The following SLC7A14 variants were observed in gnomAD, a reference collection of about 807,000 sequenced individuals.
SLC7A14 encodes the protein solute carrier family 7 member 14.
A neutral mutation model predicts 60.2 loss-of-function variants in SLC7A14; 37 were observed. The observed-to-expected ratio is 0.61, with a 90% CI of 0.47 to 0.81. The LOEUF is 0.81. SLC7A14 is among the 30% of genes least tolerant of loss of function. SLC7A14 has a pLI of 0.00. For synonymous variants in SLC7A14, 399 were observed against 395.8 expected, an observed-to-expected ratio of 1.01 and a Z score of -0.10; for missense variants, 886 against 982.7, an observed-to-expected ratio of 0.90 and a Z score of 1.32.
rs546386684 is a variant in SLC7A14 at position 170,532,262 on chromosome 3, A to G, written c.-152-5174T>C. 6.6e-6 allele frequency among the ~76,000 whole-genome samples: 1 copy of G among 151,768 alleles called. No individual in the cohort carries two copies. Among genetic ancestry groups the G allele is most frequent in the African/African-American group, 2.4e-5 (1 of 41,058 alleles). On this transcript the variant is annotated intron_variant, in intron 1 of 7. Coordinates refer to ENST00000231706, the MANE Select transcript of SLC7A14 (RefSeq NM_020949.3). This position sits in a 1 kb window ranked among gnomAD's most constrained non-coding sequence, Gnocchi z 4.0. Reference sequence around the variant, plus strand: ...GGAAAAATGAGGCTGCAGTTAGAGTAAACGTTGCCTGGTTTTCTGAGCCCC... The same window carrying G: ...GGAAAAATGAGGCTGCAGTTAGAGTGAACGTTGCCTGGTTTTCTGAGCCCC...
chr3:170,576,819 T>G (rs1715104525), intron 1 of SLC7A14, among the ~76,000 whole-genome samples: 1 of 152,182 alleles, frequency 6.6e-6, no homozygotes, highest in South Asian at 2.1e-4. Context: ...CAAAAGTCAG[T>G]AGTAACTCCC....
At position 170,462,559 on chromosome 3, in the gene SLC7A14, T is replaced by C. The variant is rs1218893480; in HGVS notation, c.*4496A>G. Reference sequence around the variant, plus strand: ...ATTTATCATGACCATTATGTAGGCATTTGATTAGCTACTAGTTTGTTACTA... The same window carrying C: ...ATTTATCATGACCATTATGTAGGCACTTGATTAGCTACTAGTTTGTTACTA... On this transcript the variant is annotated 3_prime_UTR_variant, in exon 8 of 8. Transcript: ENST00000231706. 1 of 152,178 alleles carries C rather than the reference T, an allele frequency of 6.6e-6. No individual in the cohort carries two copies. The highest frequency in any genetic ancestry group is 1.5e-5 in the Non-Finnish European group (1 of 68,038). 9.4% of individuals were successfully genotyped at this position (152,178 alleles called of 1,614,324 possible).
chr3:170,513,179 G>A lies in SLC7A14; in HGVS notation c.305-11834C>T, dbSNP rs78602298. Among the ~76,000 whole-genome samples the A allele has an allele frequency of 4.6e-3, 696 of 152,100 alleles. 4 individuals are homozygous for A. Among genetic ancestry groups the A allele is most frequent in the African/African-American group, 0.016 (652 of 41,492 alleles). On this transcript the variant is annotated intron_variant, in intron 2 of 7. Transcript: ENST00000231706. Reference sequence around the variant, plus strand: ...GTGACTCCCTTGGATACACTGGGGGGCTTCTTGAAAGAGGCTTTCCCACCA... The same window carrying A: ...GTGACTCCCTTGGATACACTGGGGGACTTCTTGAAAGAGGCTTTCCCACCA...
chr3:170,555,153 G>A (rs1287245538), intron 1 of SLC7A14, among the ~76,000 whole-genome samples: 2 of 147,488 alleles, frequency 1.4e-5, no homozygotes, highest in African/African-American at 2.5e-5. Flanking sequence ...GGGCAACAGA[G>A]CAAGACTTTG....
At chr3:170,544,663 A>G (rs761468307) in intron 1 of SLC7A14, among the ~76,000 whole-genome samples, 1 of 152,214 alleles carries the variant, frequency 6.6e-6, no homozygotes, top group African/African-American at 2.4e-5. Context: ...TATGGTTTCT[A>G]CTGAATGTGT....
intron 1 of SLC7A14, among the ~76,000 whole-genome samples, chr3:170,536,747 C>G (rs911792872): frequency 3.3e-5 from 5 of 152,184 alleles, no homozygotes; most frequent in African/African-American, 1.2e-4. Context: ...CTTTTTAATG[C>G]AACACTATAG....
intron 2 of SLC7A14, among the ~76,000 whole-genome samples, chr3:170,505,715 G>C (rs141276672): frequency 6.6e-6 from 1 of 152,028 alleles, no homozygotes; most frequent in Non-Finnish European, 1.5e-5. Flanking sequence ...GTGAAACACC[G>C]TCTCTACTAA....
chr3:170,547,904 T>C (rs1221407961), intron 1 of SLC7A14, among the ~76,000 whole-genome samples: 1 of 152,216 alleles, frequency 6.6e-6, no homozygotes, highest in Non-Finnish European at 1.5e-5. Flanking sequence ...TCATAAGCAA[T>C]GCTACGGTGG....
intron 2 of SLC7A14, among the ~76,000 whole-genome samples, chr3:170,506,499 A>G (rs1274531016): frequency 4.6e-5 from 7 of 152,176 alleles, no homozygotes; most frequent in African/African-American, 1.7e-4. Context: ...ATCCTCTTAT[A>G]TGTATCCCAG....
intron 1 of SLC7A14, among the ~76,000 whole-genome samples, chr3:170,555,174 AAT>A (rs1183657085): frequency 1.3e-5 from 2 of 150,302 alleles, no homozygotes; most frequent in East Asian, 1.9e-4. Flanking sequence ...TCTCAAAAAA[AAT>A]ATATATATAT....
In SLC7A14 at chr3:170,470,307, C is replaced by CGTGTGTGTGTGT. The variant is rs1553864040; in HGVS notation, c.1994-2931_1994-2930insACACACACACAC. On this transcript the variant is annotated intron_variant, in intron 7 of 7. Coordinates refer to ENST00000231706, the MANE Select transcript of SLC7A14 (RefSeq NM_020949.3). ...TGGGAGTGGCCAGGCCTGGAAGGAACATGTGTGTGTGTGTGTGTGTGTGTG... is the reference window on the plus strand; with the variant it reads ...TGGGAGTGGCCAGGCCTGGAAGGAACGTGTGTGTGTGTATGTGTGTGTGTGTGTGTGTGTGTG... Among the ~76,000 whole-genome samples, 33 of 39,954 alleles carry CGTGTGTGTGTGT rather than the reference C, an allele frequency of 8.3e-4. 1 individual carries two copies. Among genetic ancestry groups the CGTGTGTGTGTGT allele is most frequent in the Non-Finnish European group, 8.0e-4 (14 of 17,544 alleles). 26.2% of individuals were successfully genotyped at this position (39,954 alleles called of 152,430 possible). A position where few individuals can be genotyped will look rare whatever the true frequency, so the allele number is the denominator to read the frequency against.
intron 1 of SLC7A14, among the ~76,000 whole-genome samples, chr3:170,533,682 GTGT>G (rs1713748928): frequency 6.8e-6 from 1 of 146,936 alleles, no homozygotes; most frequent in Admixed American, 6.7e-5. Flanking sequence ...TGTGTGTGGT[GTGT>G]GTGTGTGCAC....
chr3:170,505,234 AC>A (rs1712741373), intron 2 of SLC7A14, among the ~76,000 whole-genome samples: 1 of 152,150 alleles, frequency 6.6e-6, no homozygotes, highest in African/African-American at 2.4e-5. Flanking sequence ...ACCATCATCA[AC>A]AACAATGTTA....
intron 2 of SLC7A14, among the ~76,000 whole-genome samples, chr3:170,506,778 A>C (rs528448228): frequency 6.6e-6 from 1 of 152,328 alleles, no homozygotes; most frequent in Admixed American, 6.5e-5. Context: ...CCCTTTTAGA[A>C]CCAGGAAGCA....
At chr3:170,581,058 C>G (rs1430635117) in intron 1 of SLC7A14, among the ~76,000 whole-genome samples, 2 of 152,064 alleles carry the variant, frequency 1.3e-5, no homozygotes, top group East Asian at 3.9e-4. Flanking sequence ...ATAAGGTTCT[C>G]CTAATGACCC....
At chr3:170,558,117 C>T (rs1307677018) in intron 1 of SLC7A14, among the ~76,000 whole-genome samples, 1 of 152,152 alleles carries the variant, frequency 6.6e-6, no homozygotes, top group African/African-American at 2.4e-5. Context: ...CCTGTAATCC[C>T]AGCACTTTAG....
chr3:170,497,900 G>C (rs1200437793), intron 4 of SLC7A14, among the ~76,000 whole-genome samples: 1 of 152,180 alleles, frequency 6.6e-6, no homozygotes, highest in Non-Finnish European at 1.5e-5. Flanking sequence ...CCATGCTCTT[G>C]CTAACCCCTA....
At chr3:170,503,105 G>C (rs1712665044) in intron 2 of SLC7A14, 1 of 152,158 alleles carries the variant, frequency 6.6e-6, no homozygotes, top group Non-Finnish European at 1.5e-5. Flanking sequence ...GAAGCTGTTT[G>C]TCTCTACATT....
At chr3:170,554,555 C>G (rs191349916) in intron 1 of SLC7A14, among the ~76,000 whole-genome samples, 1 of 152,308 alleles carries the variant, frequency 6.6e-6, no homozygotes, top group East Asian at 1.9e-4. Context: ...GTCCCTTTCT[C>G]TCTCCCCACA....
Sources: gnomAD v4.1 joint callset for allele counts (sites outside exome capture counted in the v4.1 genomes callset) on GRCh38, gnomAD v4.1.1 for gene constraint, Gnocchi (gnomAD v3.1) non-coding constraint, MANE v1.5 for transcripts, NCBI Gene and HGNC (gene_info 2026-07-23, HGNC 2026-07-21) for gene names.